ZDHHC15: variants seen among roughly 807,000 people sequenced by gnomAD.
ZDHHC15 encodes the protein zDHHC palmitoyltransferase 15.
ZDHHC15 carries 19 observed loss-of-function variants against 31.7 expected under a neutral mutation model. The observed-to-expected ratio is 0.60, with a 90% CI of 0.42 to 0.88. The LOEUF is 0.88. ZDHHC15 is among the 40% of genes least tolerant of loss of function. ZDHHC15 has a pLI of 0.00. For missense variants in ZDHHC15, 209 were observed against 251.2 expected (o/e 0.83, Z 1.14); for synonymous variants, 103 against 90.0 (o/e 1.14, Z -0.82).
chrX:75,443,325 C>T (rs1157792064), intron 4 of ZDHHC15, among the ~76,000 whole-genome samples: 1 of 110,990 alleles, frequency 9.0e-6, no homozygotes, highest in Non-Finnish European at 1.9e-5. Flanking sequence ...ACATCTACAA[C>T]TATCTGATCT....
chrX:75,441,314 T>A (rs2083937332), intron 4 of ZDHHC15, among the ~76,000 whole-genome samples: 1 of 111,753 alleles, frequency 8.9e-6, no homozygotes, highest in Non-Finnish European at 1.9e-5. Context: ...GAAAAGGAAA[T>A]GGCTAGTCTG....
intron 10 of ZDHHC15, 134 bp from the exon 11 acceptor site, chrX:75,379,332 G>A: frequency 1.7e-6 from 1 of 583,442 alleles, no homozygotes; most frequent in Non-Finnish European, 2.8e-6. Flanking sequence ...AGACTGATGT[G>A]TAACACAGAA....
At chrX:75,420,627 C>CA (rs968086892) in intron 9 of ZDHHC15, among the ~76,000 whole-genome samples, 1 of 110,880 alleles carries the variant, frequency 9.0e-6, no homozygotes, top group African/African-American at 3.3e-5. Flanking sequence ...ATGCAACCAT[C>CA]AAAAAAATGA....
At chrX:75,482,973 T>C (rs759846837) in intron 2 of ZDHHC15, among the ~76,000 whole-genome samples, 1 of 104,218 alleles carries the variant, frequency 9.6e-6, no homozygotes, top group Non-Finnish European at 1.9e-5. Context: ...ATATATATGA[T>C]CACATGTATG....
intron 4 of ZDHHC15, among the ~76,000 whole-genome samples, chrX:75,437,049 T>C (rs2083862621): frequency 9.2e-6 from 1 of 109,176 alleles, no homozygotes; most frequent in South Asian, 4.0e-4. Flanking sequence ...GCCCGGCTAA[T>C]TTTTTGTGTT....
chrX:75,375,526 T>C (rs765877059), intron 11 of ZDHHC15, among the ~76,000 whole-genome samples: 26 of 111,530 alleles, frequency 2.3e-4, no homozygotes, highest in Admixed American at 6.7e-4. Context: ...GTGAGCATAG[T>C]ACCCAATAGG....
At chrX:75,467,762 T>C (rs745367538) in intron 3 of ZDHHC15, among the ~76,000 whole-genome samples, 3 of 112,088 alleles carry the variant, frequency 2.7e-5, no homozygotes, top group Non-Finnish European at 3.8e-5. Context: ...TCACATAACA[T>C]AAATTCCATT....
intron 2 of ZDHHC15, among the ~76,000 whole-genome samples, chrX:75,479,724 CATT>C (rs1363945456): frequency 9.0e-6 from 1 of 111,368 alleles, no homozygotes; most frequent in Non-Finnish European, 1.9e-5. Flanking sequence ...CATATGTACA[CATT>C]ATTTAGCTTC....
chrX:75,380,857 G>C (rs144219780), intron 10 of ZDHHC15, among the ~76,000 whole-genome samples: 2 of 111,344 alleles, frequency 1.8e-5, no homozygotes, highest in South Asian at 7.6e-4. Context: ...GTCTTAGTGT[G>C]TGCTGGTTAA....
intron 10 of ZDHHC15, 94 bp from the exon 11 acceptor site, chrX:75,379,292 T>G: frequency 1.1e-6 from 1 of 934,769 alleles, no homozygotes. Flanking sequence ...GTTCAATCTC[T>G]GCAGGCAACA....
At chrX:75,501,427 G>A (rs970881012) in intron 2 of ZDHHC15, 1 of 111,404 alleles carries the variant, frequency 9.0e-6, no homozygotes, top group African/African-American at 3.3e-5. Context: ...GCTTGCATGT[G>A]TCTTTATGGT....
At chrX:75,430,984 A>T (rs2083773649) in intron 5 of ZDHHC15, among the ~76,000 whole-genome samples, 2 of 111,728 alleles carry the variant, frequency 1.8e-5, no homozygotes, top group South Asian at 7.6e-4. Flanking sequence ...GAAGCTAAGG[A>T]GATGAGACAT....
rs750549983 is a variant in ZDHHC15 at position 75,492,837 on chromosome X, A to C, written c.163+12984T>G. On this transcript the variant is annotated intron_variant, in intron 2 of 11. Transcript: ENST00000373367. The stretch of plus-strand genomic sequence containing the variant: ...GCCCACAAGAGAAAGCAGGAAAGAT[A>C]TAAAATTGACACCCTAACATCACAA... Among the ~76,000 whole-genome samples, 1,110 of 111,790 alleles carry C rather than the reference A, an allele frequency of 9.9e-3. 16 individuals carry two copies. The highest frequency in any genetic ancestry group is 0.033 in the African/African-American group (1,031 of 30,784).
chrX:75,373,926 G>GTTTTTTTTTTTTTTGTTTTTTT (rs2083028317), intron 11 of ZDHHC15, among the ~76,000 whole-genome samples: 1 of 50,456 alleles, frequency 2.0e-5, no homozygotes, highest in Non-Finnish European at 3.4e-5. Context: ...CATTCTTTCT[G>GTTTTTTTTTTTTTTGTTTTTTT]TTTTTTTTTT....
At chrX:75,402,059 T>C (rs182362188) in intron 10 of ZDHHC15, among the ~76,000 whole-genome samples, 52 of 112,287 alleles carry the variant, frequency 4.6e-4, no homozygotes, top group African/African-American at 1.6e-3. Flanking sequence ...CACAGTGCCA[T>C]AAAAATAGAA....
At chrX:75,485,675 T>C (rs975283906) in intron 2 of ZDHHC15, among the ~76,000 whole-genome samples, 1 of 111,138 alleles carries the variant, frequency 9.0e-6, no homozygotes, top group African/African-American at 3.3e-5. Flanking sequence ...TACATTTAGA[T>C]GTAGCTATAT....
intron 3 of ZDHHC15, 67 bp from the exon 4 acceptor site, chrX:75,450,989 CAAT>C (rs2084108294): frequency 8.9e-7 from 1 of 1,117,857 alleles, no homozygotes; most frequent in Non-Finnish European, 1.2e-6. Flanking sequence ...AAACCAACAA[CAAT>C]AACTACTTTA....
At chrX:75,389,237 G>A (rs769284205) in intron 10 of ZDHHC15, among the ~76,000 whole-genome samples, 6 of 111,808 alleles carry the variant, frequency 5.4e-5, no homozygotes, top group Non-Finnish European at 1.1e-4. Context: ...GCTACTGCAA[G>A]CTGAGGCTCT....
At position 75,393,387 on chromosome X, in the gene ZDHHC15, C is replaced by A. The variant is rs755419474; in HGVS notation, c.968-14189G>T. ...CAGGAGACAGAATCCTTGAGTTCATCATTTTCCTTCACCAGTTTTTCCACT... is the reference window on the plus strand; with the variant it reads ...CAGGAGACAGAATCCTTGAGTTCATAATTTTCCTTCACCAGTTTTTCCACT... On this transcript the variant is annotated intron_variant, in intron 10 of 11. Coordinates refer to ENST00000373367, the MANE Select transcript of ZDHHC15 (RefSeq NM_144969.3). 5.4e-5 allele frequency among the ~76,000 whole-genome samples: 6 copies of A among 111,244 alleles called. No individual in the cohort carries two copies. The East Asian group carries it at 1.7e-3, about 32-fold the overall frequency.
Sources: allele counts gnomAD v4.1 joint callset (sites outside exome capture counted in the v4.1 genomes callset), GRCh38; gene constraint gnomAD v4.1.1; transcripts MANE v1.5; gene names NCBI Gene and HGNC (gene_info 2026-07-23, HGNC 2026-07-21).